Variants in MCM3AP observed in about 807,000 individuals in gnomAD.
MCM3AP encodes the protein germinal-center associated nuclear protein.
Under a neutral mutation model 184.1 loss-of-function variants are expected in MCM3AP, and 126 were observed. The observed-to-expected ratio is 0.68, with a 90% CI of 0.59 to 0.79. The LOEUF is 0.79. Ranked by LOEUF, MCM3AP falls within the 30% of genes least tolerant of loss-of-function variation. MCM3AP has a pLI of 0.00. For missense variants in MCM3AP, 2,496 were observed against 2,479.2 expected, an observed-to-expected ratio of 1.01 and a Z score of -0.14; for synonymous variants, 1,002 against 979.3, an observed-to-expected ratio of 1.02 and a Z score of -0.43.
At chr21:46,274,105 C>T (rs925948801) in intron 6 of MCM3AP, among the ~76,000 whole-genome samples, 8 of 152,212 alleles carry the variant, frequency 5.3e-5, no homozygotes, top group Non-Finnish European at 1.0e-4. Context: ...AGGCCCTGGG[C>T]ATGTGCCTCT....
At chr21:46,262,916 C>T (rs769207436) in intron 13 of MCM3AP, among the ~76,000 whole-genome samples, 3 of 135,776 alleles carry the variant, frequency 2.2e-5, no homozygotes, top group Non-Finnish European at 4.6e-5. Context: ...TGCAGTGAGC[C>T]GAGATCACGC....
chr21:46,260,437 CGT>C (rs1394231872), intron 15 of MCM3AP, among the ~76,000 whole-genome samples: 2 of 152,054 alleles, frequency 1.3e-5, no homozygotes, highest in Admixed American at 1.3e-4. Flanking sequence ...AGGTGCCTGG[CGT>C]AGAATTTGTA....
intron 4 of MCM3AP, among the ~76,000 whole-genome samples, chr21:46,278,429 G>A (rs2839193): frequency 0.22 from 34,205 of 152,024 alleles, 4,469 homozygotes; most frequent in Middle Eastern, 0.31. Context: ...TAAACTGCTC[G>A]TCACAAAACG....
chr21:46,249,003 T>C (rs1441147049), intron 20 of MCM3AP, among the ~76,000 whole-genome samples: 5 of 151,908 alleles, frequency 3.3e-5, no homozygotes, highest in Non-Finnish European at 7.4e-5. Context: ...GTCTCTAGCC[T>C]GAAAGGACCT....
intron 14 of MCM3AP, 73 bp from the exon 15 acceptor site, chr21:46,260,979 G>T: frequency 8.2e-7 from 1 of 1,225,438 alleles, no homozygotes; most frequent in Non-Finnish European, 1.2e-6. Flanking sequence ...TTTACTCCCT[G>T]GCCACGCAGA....
intron 26 of MCM3AP, 93 bp downstream of exon 26, chr21:46,240,718 C>T (rs2080646247): frequency 4.4e-6 from 5 of 1,141,706 alleles, no homozygotes; most frequent in Admixed American, 4.4e-5. Flanking sequence ...CTTCTCCATC[C>T]TGGCTGTCTT....
At chr21:46,278,174 AAAAGAT>A (rs1427679773) in intron 4 of MCM3AP, among the ~76,000 whole-genome samples, 2 of 152,184 alleles carry the variant, frequency 1.3e-5, no homozygotes, top group Non-Finnish European at 2.9e-5. Flanking sequence ...GAAAAAAAAA[AAAAGAT>A]AGGCTCATTT....
intron 17 of MCM3AP, 101 bp from the exon 18 acceptor site, chr21:46,254,945 T>C: frequency 1.2e-6 from 1 of 821,384 alleles, no homozygotes; most frequent in Non-Finnish European, 2.1e-6. Flanking sequence ...AAACACATTT[T>C]CTGCCAATGA....
Position 46,270,492 on chromosome 21 carries a change from G to A in MCM3AP, c.2537C>T (p.Ala846Val), listed in dbSNP as rs747674480. The stretch of plus-strand genomic sequence containing the variant: ...TCTCACAAAATTATTACTGTTCAAT[G>A]CAGCAAAAGCCTGAACAGCAAATTT... ...EVKFAVQAFA[A>V]LNSNNFVRFF... is the part of the protein sequence containing the mutation. Residue 846 changes from alanine to valine, a missense_variant, in exon 9 of 28, where the codon GCA (alanine) becomes GTA (valine). Ala to Val is a moderately conservative substitution (Grantham distance 64). Transcript: ENST00000291688. 6.2e-7 allele frequency: 1 copy of A among 1,613,678 alleles called. No homozygotes were observed. Among genetic ancestry groups the A allele is most frequent in the Admixed American group, 1.7e-5 (1 of 59,998 alleles).
At chr21:46,273,316 G>A in intron 7 of MCM3AP, 72 bp downstream of exon 7, 5 of 1,362,902 alleles carry the variant, frequency 3.7e-6, no homozygotes, top group Admixed American at 1.7e-5. Flanking sequence ...ATATAACAGA[G>A]TAATAAAAAT....
chr21:46,253,557 T>G (rs1056856795), intron 19 of MCM3AP: 1 of 152,044 alleles, frequency 6.6e-6, no homozygotes, highest in African/African-American at 2.4e-5. Context: ...TGGTTAAGTG[T>G]GTGACAACTC....
chr21:46,280,563 G>C lies in MCM3AP; in HGVS notation c.1456C>G (p.Leu486Val). ...AAACTTTTCCCCTTCTTTCTAGCCA[G>C]GGCTGCAGATGCCTGGAAAACAGTC... ...VHFFDHASAA[L>V]ARKKGKSLHK... is the part of the protein sequence containing the mutation. The change falls in exon 3 of 28, where the codon CTG becomes GTG. Residue 486 changes from leucine to valine, a missense_variant. Physicochemically the swap from Leu to Val is conservative, Grantham distance 32. Transcript: ENST00000291688. The C allele has an allele frequency of 6.2e-7, 1 of 1,612,288 alleles. No homozygotes were observed. The highest frequency in any genetic ancestry group is 8.5e-7 in the Non-Finnish European group (1 of 1,178,724).
intron 19 of MCM3AP, chr21:46,252,021 T>G: frequency 5.6e-6 from 1 of 179,008 alleles, no homozygotes; most frequent in Non-Finnish European, 1.2e-5. Context: ...CATGCCCAGC[T>G]AATCTTTCCA....
chr21:46,270,256 C>T (rs2081162969), intron 9 of MCM3AP, 145 bp downstream of exon 9: 4 of 727,720 alleles, frequency 5.5e-6, no homozygotes, highest in South Asian at 2.0e-5. Context: ...AGGGCAACAC[C>T]GGTAACCCCT....
intron 22 of MCM3AP, among the ~76,000 whole-genome samples, 167 bp from the exon 23 acceptor site, chr21:46,245,364 G>T (rs553263224): frequency 6.6e-6 from 1 of 152,292 alleles, no homozygotes; most frequent in African/African-American, 2.4e-5. Context: ...GTTGAGTTTA[G>T]CCTTCTAGGG....
intron 12 of MCM3AP, 73 bp downstream of exon 12, chr21:46,265,248 T>C: frequency 1.4e-6 from 2 of 1,392,744 alleles, no homozygotes; most frequent in Non-Finnish European, 2.0e-6. Context: ...CCCCACCTCA[T>C]GGGGTGATGA....
chr21:46,241,137 CAT>C (rs2080657496), intron 25 of MCM3AP, 120 bp from the exon 26 acceptor site: 6 of 745,040 alleles, frequency 8.1e-6, no homozygotes, highest in Admixed American at 4.2e-5. Context: ...GCCTCAGACA[CAT>C]GTGCCCTCCT....
intron 2 of MCM3AP, among the ~76,000 whole-genome samples, chr21:46,282,678 G>A (rs17182573): frequency 0.072 from 10,968 of 151,734 alleles, 595 homozygotes; most frequent in African/African-American, 0.15. Context: ...GGTGGCGGGC[G>A]CCTGTAGTTC....
intron 2 of MCM3AP, 119 bp downstream of exon 2, chr21:46,283,496 T>C (rs1304734608): frequency 1.7e-5 from 11 of 656,010 alleles, no homozygotes; most frequent in Middle Eastern, 2.5e-4. Flanking sequence ...TAATAAGATA[T>C]TTGAGTACTT....
Sources: gnomAD v4.1 joint callset for allele counts (sites outside exome capture counted in the v4.1 genomes callset) on GRCh38, gnomAD v4.1.1 for gene constraint, MANE v1.5 for transcripts, NCBI Gene and HGNC (gene_info 2026-07-23, HGNC 2026-07-21) for gene names.